Variants in ASAP1 observed in about 807,000 individuals in gnomAD.
The protein encoded by ASAP1 is arf-GAP with SH3 domain, ANK repeat and PH domain-containing protein 1.
In ASAP1, 43 loss-of-function variants were observed where a neutral mutation model predicts 145.2. That is an observed-to-expected ratio of 0.30 (90% CI 0.23 to 0.38). ASAP1 has a LOEUF of 0.38. Ranked by LOEUF, ASAP1 falls within the 10% of genes least tolerant of loss-of-function variation. ASAP1 has a pLI of 1.00. For missense variants in ASAP1, 1,018 were observed against 1,355.3 expected (o/e 0.75, Z 3.91); for synonymous variants, 546 against 515.5 (o/e 1.06, Z -0.80).
At chr8:130,403,735 G>A (rs755570833) in intron 1 of ASAP1, among the ~76,000 whole-genome samples, 2 of 151,786 alleles carry the variant, frequency 1.3e-5, no homozygotes, top group Non-Finnish European at 2.9e-5. Flanking sequence ...TGCATTTTTA[G>A]TAGAGACAGG....
chr8:130,075,460 C>T (rs1023262373), intron 27 of ASAP1, among the ~76,000 whole-genome samples: 5 of 152,186 alleles, frequency 3.3e-5, no homozygotes, highest in African/African-American at 4.8e-5. Context: ...AACTAGGCAA[C>T]GGAGCACTAG....
intron 7 of ASAP1, among the ~76,000 whole-genome samples, chr8:130,181,766 G>GTAA (rs1325008564): frequency 6.6e-6 from 1 of 152,134 alleles, no homozygotes; most frequent in Non-Finnish European, 1.5e-5. Context: ...TGATACTCTG[G>GTAA]TAATAATACC....
In ASAP1 at chr8:130,262,412, AAAAAAGAGAGAGAGAGAGAG is replaced by A. The variant is rs1819968116; in HGVS notation, c.187-25438_187-25419del. On this transcript the variant is annotated intron_variant, in intron 3 of 29. Coordinates refer to ENST00000518721, the MANE Select transcript of ASAP1 (RefSeq NM_018482.4). Reference sequence around the variant, plus strand: ...CATCTCAAAAAAAAAAAAAAAAAAAAAAAAAGAGAGAGAGAGAGAGAGAGAGAGAGAGAGAGAGAGAGAGA... The same window carrying A: ...CATCTCAAAAAAAAAAAAAAAAAAAAAGAGAGAGAGAGAGAGAGAGAGAGA... Among the ~76,000 whole-genome samples the A allele has an allele frequency of 8.6e-4, 85 of 98,514 alleles. 1 individual carries two copies. The South Asian group carries it at 0.015, about 18-fold the overall frequency. 64.6% of individuals were successfully genotyped at this position (98,514 alleles called of 152,430 possible). A position where few individuals can be genotyped will look rare whatever the true frequency, so the allele number is the denominator to read the frequency against.
intron 28 of ASAP1, among the ~76,000 whole-genome samples, chr8:130,059,298 G>C (rs1230442878): frequency 1.3e-5 from 2 of 151,928 alleles, no homozygotes; most frequent in Non-Finnish European, 2.9e-5. Context: ...CAAGTAGCTG[G>C]GATCGCAGGC....
chr8:130,058,141 C>T, intron 28 of ASAP1, 65 bp from the exon 29 acceptor site: 1 of 1,578,322 alleles, frequency 6.3e-7, no homozygotes, highest in Non-Finnish European at 8.7e-7. Context: ...AGCAGCGGTT[C>T]TTTGTAAAAT....
intron 5 of ASAP1, among the ~76,000 whole-genome samples, chr8:130,209,290 G>C (rs564443372): frequency 6.6e-6 from 1 of 152,126 alleles, no homozygotes; most frequent in African/African-American, 2.4e-5. Context: ...CCTACTTAAC[G>C]GTAGGGTTGG....
intron 2 of ASAP1, among the ~76,000 whole-genome samples, chr8:130,384,904 C>T (rs1827941934): frequency 6.6e-6 from 1 of 152,176 alleles, no homozygotes. Flanking sequence ...CCCCGCCCTC[C>T]TGGAAGTTAT....
At chr8:130,298,681 A>G (rs1822438750) in intron 3 of ASAP1, among the ~76,000 whole-genome samples, 2 of 152,114 alleles carry the variant, frequency 1.3e-5, no homozygotes, top group Admixed American at 1.3e-4. Context: ...TCCTTTAGCT[A>G]TAACATACAT....
chr8:130,280,717 TCAGAA>T (rs1390294828), intron 3 of ASAP1, among the ~76,000 whole-genome samples: 1 of 152,190 alleles, frequency 6.6e-6, no homozygotes, highest in African/African-American at 2.4e-5. Flanking sequence ...TACTTAAAAT[TCAGAA>T]CAATCAGTTA....
At chr8:130,149,536 C>A (rs1315821334) in intron 13 of ASAP1, among the ~76,000 whole-genome samples, 3 of 152,132 alleles carry the variant, frequency 2.0e-5, no homozygotes, top group Admixed American at 6.5e-5. Flanking sequence ...ACAAACCCTG[C>A]ATCATTAATC....
intron 24 of ASAP1, among the ~76,000 whole-genome samples, chr8:130,103,319 C>T (rs370478322): frequency 6.6e-6 from 1 of 151,712 alleles, no homozygotes; most frequent in African/African-American, 2.4e-5. Context: ...TAGCTAAAGG[C>T]TTGTCAATTT....
intron 25 of ASAP1, among the ~76,000 whole-genome samples, chr8:130,089,630 G>T (rs2097501323): frequency 6.6e-6 from 1 of 152,178 alleles, no homozygotes; most frequent in African/African-American, 2.4e-5. Flanking sequence ...ATGTCAGCAG[G>T]AGGCGGGGAA....
chr8:130,136,421 T>C (rs1380708196), intron 14 of ASAP1, among the ~76,000 whole-genome samples: 1 of 152,090 alleles, frequency 6.6e-6, no homozygotes. Context: ...AGCAAGGAAA[T>C]GATTTTTCCT....
chr8:130,134,453 A>G (rs2097589666), intron 14 of ASAP1, 109 bp from the exon 15 acceptor site: 2 of 609,142 alleles, frequency 3.3e-6, no homozygotes, highest in South Asian at 3.3e-5. Flanking sequence ...TAGAATTTTA[A>G]TATTATTTTA....
At chr8:130,160,924 A>G in intron 11 of ASAP1, 1 of 591,114 alleles carries the variant, frequency 1.7e-6, no homozygotes, top group African/African-American at 2.0e-5. Context: ...CACTGTAAAG[A>G]TAATACCAGA....
At chr8:130,405,218 G>C (rs1302695393) in intron 1 of ASAP1, among the ~76,000 whole-genome samples, 1 of 152,230 alleles carries the variant, frequency 6.6e-6, no homozygotes, top group East Asian at 1.9e-4. Context: ...CACCTCCTTG[G>C]TGCCAGTTGG....
chr8:130,192,002 ATG>A (rs1815172460), intron 5 of ASAP1, among the ~76,000 whole-genome samples: 1 of 151,870 alleles, frequency 6.6e-6, no homozygotes, highest in Non-Finnish European at 1.5e-5. Context: ...AGGTTTCCCA[ATG>A]TGTGTCACCA....
chr8:130,152,676 G>C, intron 13 of ASAP1, 60 bp downstream of exon 13: 2 of 1,282,246 alleles, frequency 1.6e-6, no homozygotes, highest in Non-Finnish European at 2.2e-6. Context: ...TTACTGCTGA[G>C]TACATAATCG....
chr8:130,309,294 AAGAC>A (rs1823184097), intron 3 of ASAP1, among the ~76,000 whole-genome samples: 1 of 152,242 alleles, frequency 6.6e-6, no homozygotes, highest in Non-Finnish European at 1.5e-5. Flanking sequence ...AATAAGTACT[AAGAC>A]AGAGGTACAC....
Sources: allele counts gnomAD v4.1 joint callset (sites outside exome capture counted in the v4.1 genomes callset), GRCh38; gene constraint gnomAD v4.1.1; transcripts MANE v1.5; gene names NCBI Gene and HGNC (gene_info 2026-07-23, HGNC 2026-07-21).